The following OSBP2 variants were observed in gnomAD, a reference collection of about 807,000 sequenced individuals.
OSBP2 encodes oxysterol binding protein 2.
In OSBP2, 66 loss-of-function variants were observed where a neutral mutation model predicts 96.0. The observed-to-expected ratio is 0.69, with a 90% CI of 0.56 to 0.84. The LOEUF (loss-of-function observed/expected upper bound fraction) is 0.84, where lower values mean the gene tolerates loss of function less well. Among genes scored for constraint, OSBP2 ranks in the 40% least tolerant of loss-of-function variants. The pLI, the probability that OSBP2 is intolerant of heterozygous loss-of-function variation, is 0.00. For synonymous variants in OSBP2, 525 were observed against 520.9 expected (o/e 1.01, Z -0.11); for missense variants, 1,038 against 1,222.7 (o/e 0.85, Z 2.25).
chr22:30,889,448 T>C (rs1569167933), intron 6 of OSBP2, 42 bp from the exon 7 acceptor site: 3 of 1,612,438 alleles, frequency 1.9e-6, no homozygotes, highest in Non-Finnish European at 2.5e-6. Flanking sequence ...GGGGGCGCTC[T>C]GGCCTCTGCT....
chr22:30,775,869 C>T (rs1227436617), intron 2 of OSBP2, among the ~76,000 whole-genome samples: 1 of 151,614 alleles, frequency 6.6e-6, no homozygotes, highest in African/African-American at 2.4e-5. Context: ...CATCTCTGCT[C>T]ATTGCAACTT....
intron 2 of OSBP2, among the ~76,000 whole-genome samples, chr22:30,837,567 C>G (rs760316214): frequency 9.2e-5 from 14 of 152,144 alleles, no homozygotes; most frequent in Admixed American, 2.0e-4. Flanking sequence ...GTGCCTAGCT[C>G]AGAAGGAATG....
intron 2 of OSBP2, among the ~76,000 whole-genome samples, chr22:30,787,322 G>A (rs938746817): frequency 6.6e-6 from 1 of 152,154 alleles, no homozygotes; most frequent in African/African-American, 2.4e-5. Flanking sequence ...GAGCTAAGAG[G>A]AGGGGGAAGC....
At chr22:30,763,362 G>C (rs1287545043) in intron 2 of OSBP2, among the ~76,000 whole-genome samples, 2 of 152,160 alleles carry the variant, frequency 1.3e-5, no homozygotes, top group African/African-American at 2.4e-5. Context: ...ACAAACACAG[G>C]TTGGCCGGGT....
rs1010836629 is a variant in OSBP2, at chr22:30,906,567, C to T, written c.*228C>T. The stretch of plus-strand genomic sequence containing the variant: ...CCAGGTGCGCCGGGTCACCCGTGCC[C>T]CTTCATTATGGACCTGGGCCCTACC... On this transcript the variant is annotated 3_prime_UTR_variant, in exon 14 of 14. Coordinates refer to ENST00000332585, the MANE Select transcript of OSBP2 (RefSeq NM_030758.4). The T allele has an allele frequency of 3.2e-5, 15 of 468,642 alleles. No individual in the cohort carries two copies. Among genetic ancestry groups the T allele is most frequent in the Admixed American group, 7.8e-5 (2 of 25,516 alleles). The allele number at this position is 468,642 out of a possible 1,614,324, so 29.0% of individuals were successfully genotyped here.
intron 2 of OSBP2, among the ~76,000 whole-genome samples, chr22:30,798,443 T>C (rs1199698605): frequency 6.6e-6 from 1 of 152,252 alleles, no homozygotes; most frequent in African/African-American, 2.4e-5. Context: ...GTCCATTTTG[T>C]CTATTTTTGT....
At chr22:30,895,707 G>A (rs996956072) in intron 12 of OSBP2, among the ~76,000 whole-genome samples, 3 of 152,088 alleles carry the variant, frequency 2.0e-5, no homozygotes, top group Non-Finnish European at 4.4e-5. Context: ...GGGAGGCCGA[G>A]GCAAGCAGAT....
At chr22:30,795,142 C>G (rs1390037882) in intron 2 of OSBP2, among the ~76,000 whole-genome samples, 6 of 151,864 alleles carry the variant, frequency 4.0e-5, no homozygotes, top group Admixed American at 3.9e-4. Flanking sequence ...AGCACCTGAG[C>G]TCAAGTAATC....
chr22:30,779,992 C>T (rs1427426203), intron 2 of OSBP2, among the ~76,000 whole-genome samples: 3 of 152,148 alleles, frequency 2.0e-5, no homozygotes, highest in Non-Finnish European at 4.4e-5. Context: ...ATTGTTTTTC[C>T]TTTTAGATGT....
intron 2 of OSBP2, among the ~76,000 whole-genome samples, chr22:30,757,436 T>G (rs2090155623): frequency 6.6e-6 from 1 of 152,068 alleles, no homozygotes; most frequent in African/African-American, 2.4e-5. Context: ...TTTCTTTTTT[T>G]TTTGAGACAG....
At chr22:30,788,976 G>A (rs963288156) in intron 2 of OSBP2, among the ~76,000 whole-genome samples, 2 of 152,152 alleles carry the variant, frequency 1.3e-5, no homozygotes, top group Non-Finnish European at 2.9e-5. Context: ...GCCTCGCAAA[G>A]TGCTGAGATT....
At chr22:30,761,987 G>A (rs1051988936) in intron 2 of OSBP2, among the ~76,000 whole-genome samples, 4 of 151,366 alleles carry the variant, frequency 2.6e-5, no homozygotes, top group African/African-American at 9.7e-5. Flanking sequence ...TTGGGAGGCC[G>A]AGGCGGGTGG....
chr22:30,818,975 TTGG>T (rs2091115295), intron 2 of OSBP2, among the ~76,000 whole-genome samples: 1 of 152,072 alleles, frequency 6.6e-6, no homozygotes, highest in South Asian at 2.1e-4. Flanking sequence ...GGTTTCAGAG[TTGG>T]TGCACTTGGT....
chr22:30,898,581 G>C (rs535259394), intron 12 of OSBP2, among the ~76,000 whole-genome samples: 10 of 152,140 alleles, frequency 6.6e-5, no homozygotes, highest in Admixed American at 1.3e-4. Context: ...AGCAGGAAAA[G>C]AGCAGAGAGT....
At chr22:30,893,340 G>C in intron 9 of OSBP2, 98 bp downstream of exon 9, 1 of 1,565,126 alleles carries the variant, frequency 6.4e-7, no homozygotes, top group Admixed American at 1.7e-5. Context: ...TTCCAAGGGA[G>C]ACCTCCCTGT....
At position 30,695,162 on chromosome 22, in the gene OSBP2, G is replaced by A. The variant is rs375188093; in HGVS notation, c.253G>A (p.Glu85Lys). 1.9e-6 allele frequency: 3 copies of A among 1,610,852 alleles called. No homozygotes were observed. The highest frequency in any genetic ancestry group is 2.7e-5 in the African/African-American group (2 of 74,914). The change falls in exon 1 of 14, where the codon GAG becomes AAG. Residue 85 changes from glutamate to lysine, a missense_variant. By Grantham distance (56) the Glu-to-Lys change is moderately conservative (BLOSUM62 1). Around this residue, in one of 3 missense-constraint regions of OSBP2, gnomAD observed 281 missense variants for 273.4 expected, o/e 1.03. Transcript: ENST00000332585. ...EAVPRSEPVS[E>K]TTSEPEPGAG... ...AGTGCCAAGATCGGAACCTGTGTCC[G>A]AGACGACGTCTGAGCCGGAGCCAGG...
chr22:30,823,380 G>A (rs1262310870), intron 2 of OSBP2, among the ~76,000 whole-genome samples: 1 of 152,220 alleles, frequency 6.6e-6, no homozygotes, highest in Non-Finnish European at 1.5e-5. Context: ...TTTTGCGTGA[G>A]TGAAATTTGC....
intron 2 of OSBP2, among the ~76,000 whole-genome samples, chr22:30,821,365 G>T (rs937702022): frequency 6.6e-6 from 1 of 152,214 alleles, no homozygotes. Context: ...AGACGAGGGC[G>T]TAGCAGGCCC....
intron 13 of OSBP2, 48 bp downstream of exon 13, chr22:30,906,117 C>A: frequency 2.9e-6 from 2 of 693,572 alleles, no homozygotes; most frequent in Non-Finnish European, 2.5e-6. Context: ...AAGGGGTGCC[C>A]GGGTGGGGGT....
Sources: allele counts gnomAD v4.1 joint callset (sites outside exome capture counted in the v4.1 genomes callset), GRCh38; gene constraint gnomAD v4.1.1; regional missense constraint gnomAD v4.1.1; transcripts MANE v1.5; gene names NCBI Gene and HGNC (gene_info 2026-07-23, HGNC 2026-07-21).